The following PKIB variants were observed in gnomAD, a reference collection of about 807,000 sequenced individuals.
PKIB encodes cAMP-dependent protein kinase inhibitor beta.
PKIB carries 2 observed loss-of-function variants against 4.5 expected under a neutral mutation model. The ratio of observed to expected loss-of-function variants is 0.44; its 90% CI spans 0.18 to 1.39. The LOEUF is 1.39. Ranked by LOEUF, PKIB falls within the 40% of genes most tolerant of loss-of-function variation. The pLI is 0.27. For synonymous variants in PKIB, 38 were observed against 36.0 expected (o/e 1.06, Z -0.20); for missense variants, 94 against 92.6 (o/e 1.02, Z -0.06).
intron 2 of PKIB, among the ~76,000 whole-genome samples, chr6:122,673,434 T>C (rs945203742): frequency 4.6e-5 from 7 of 152,228 alleles, no homozygotes; most frequent in Non-Finnish European, 8.8e-5. Context: ...CAAATTTTTA[T>C]CTTTTTGCTA....
intron 3 of PKIB, among the ~76,000 whole-genome samples, chr6:122,602,046 G>T (rs1774386545): frequency 6.7e-6 from 1 of 149,212 alleles, no homozygotes; most frequent in Non-Finnish European, 1.5e-5. Context: ...TTGGGAAAAA[G>T]ATTTATCTTA....
At chr6:122,564,676 C>T (rs1179536710) in intron 2 of PKIB, among the ~76,000 whole-genome samples, 1 of 152,174 alleles carries the variant, frequency 6.6e-6, no homozygotes, top group African/African-American at 2.4e-5. Context: ...GCTCCTTGGT[C>T]AGCCAATCTG....
At chr6:122,481,911 C>T (rs888396601) in intron 2 of PKIB, 4 of 151,080 alleles carry the variant, frequency 2.6e-5, no homozygotes, top group Non-Finnish European at 4.4e-5. Flanking sequence ...TTTTTGTAAT[C>T]TCGCAATATT....
At chr6:122,663,477 C>A (rs1481284149) in intron 2 of PKIB, among the ~76,000 whole-genome samples, 6 of 152,100 alleles carry the variant, frequency 3.9e-5, no homozygotes, top group African/African-American at 1.2e-4. Context: ...CGGCTTAAAA[C>A]AAAGGAAATT....
At chr6:122,685,132 C>A (rs1778046967) in intron 3 of PKIB, among the ~76,000 whole-genome samples, 1 of 152,248 alleles carries the variant, frequency 6.6e-6, no homozygotes. Context: ...TGGATCCTAT[C>A]ACTATCTTTA....
intron 2 of PKIB, chr6:122,644,304 A>C (rs1295799665): frequency 6.6e-6 from 1 of 152,192 alleles, no homozygotes; most frequent in Admixed American, 6.5e-5. Flanking sequence ...AACTGACCAG[A>C]TGATTTTATG....
At chr6:122,524,665 G>T (rs913530163) in intron 2 of PKIB, among the ~76,000 whole-genome samples, 1 of 151,864 alleles carries the variant, frequency 6.6e-6, no homozygotes, top group Non-Finnish European at 1.5e-5. Context: ...CTTTTTATTG[G>T]CCTGTTCAGA....
At chr6:122,576,710 A>ATATATATATATTT (rs59569106) in intron 2 of PKIB, among the ~76,000 whole-genome samples, 18 of 109,986 alleles carry the variant, frequency 1.6e-4, no homozygotes, top group East Asian at 6.4e-4. Flanking sequence ...ATATATATAT[A>ATATATATATATTT]TTTTCTTTTG....
intron 2 of PKIB, among the ~76,000 whole-genome samples, chr6:122,524,067 A>G (rs372002379): frequency 1.3e-4 from 20 of 152,122 alleles, no homozygotes; most frequent in African/African-American, 4.8e-4. Flanking sequence ...ATCAATATTC[A>G]TCAGGGATAT....
chr6:122,625,450 A>G (rs919276873), intron 1 of PKIB, among the ~76,000 whole-genome samples: 24 of 152,258 alleles, frequency 1.6e-4, no homozygotes, highest in Admixed American at 1.3e-3. Context: ...GAATGTATAA[A>G]GCAGGTTATT....
chr6:122,510,567 C>T (rs778247073), intron 2 of PKIB, among the ~76,000 whole-genome samples: 9 of 152,114 alleles, frequency 5.9e-5, no homozygotes, highest in African/African-American at 2.2e-4. Flanking sequence ...GATGGGAGCT[C>T]GGGTTGTAAG....
intron 2 of PKIB, among the ~76,000 whole-genome samples, chr6:122,664,816 T>G (rs1268609317): frequency 6.6e-6 from 1 of 152,238 alleles, no homozygotes; most frequent in East Asian, 1.9e-4. Flanking sequence ...TCTAAATAAT[T>G]CATCTTCTAA....
chr6:122,553,481 C>CCTTTTTTTTTTTTTT (rs1772746353), intron 2 of PKIB, among the ~76,000 whole-genome samples: 1 of 65,838 alleles, frequency 1.5e-5, no homozygotes, highest in African/African-American at 5.9e-5. Context: ...CAAATATCTT[C>CCTTTTTTTTTTTTTT]TTTTTTTTTT....
chr6:122,499,526 ACACTC>A (rs1342008295), intron 2 of PKIB, among the ~76,000 whole-genome samples: 1 of 152,232 alleles, frequency 6.6e-6, no homozygotes, highest in Non-Finnish European at 1.5e-5. Context: ...CATGAAAAGA[ACACTC>A]AACAAACTAG....
intron 2 of PKIB, among the ~76,000 whole-genome samples, chr6:122,663,744 C>T (rs1044782424): frequency 2.0e-5 from 3 of 152,156 alleles, no homozygotes; most frequent in African/African-American, 7.2e-5. Flanking sequence ...CCAGTGTGAC[C>T]TCATCTTAAC....
intron 4 of PKIB, among the ~76,000 whole-genome samples, chr6:122,724,757 GAAT>G (rs1337850634): frequency 6.6e-6 from 1 of 152,134 alleles, no homozygotes; most frequent in Non-Finnish European, 1.5e-5. Flanking sequence ...CCTGCATAGG[GAAT>G]TGGCTAAGGA....
At chr6:122,499,219 C>T (rs112341683) in intron 2 of PKIB, among the ~76,000 whole-genome samples, 8 of 152,242 alleles carry the variant, frequency 5.3e-5, no homozygotes, top group South Asian at 2.1e-4. Context: ...TTGTACAAAG[C>T]GAGCATCACT....
chr6:122,638,798 T>C (rs1452437812), intron 2 of PKIB, among the ~76,000 whole-genome samples: 1 of 152,216 alleles, frequency 6.6e-6, no homozygotes, highest in Non-Finnish European at 1.5e-5. Context: ...GCCATCATCA[T>C]TGTCCTTCCT....
At chr6:122,690,403 A>G (rs960488685) in intron 3 of PKIB, among the ~76,000 whole-genome samples, 1 of 151,606 alleles carries the variant, frequency 6.6e-6, no homozygotes, top group Non-Finnish European at 1.5e-5. Flanking sequence ...TTTTTTGTGT[A>G]TTTGTTGTAT....
Sources: allele counts gnomAD v4.1 joint callset (sites outside exome capture counted in the v4.1 genomes callset), GRCh38; gene constraint gnomAD v4.1.1; transcripts MANE v1.5; gene names NCBI Gene and HGNC (gene_info 2026-07-23, HGNC 2026-07-21).